The following UNKL variants were observed in gnomAD, a reference collection of about 807,000 sequenced individuals.
The protein encoded by UNKL is putative E3 ubiquitin-protein ligase UNKL.
Under a neutral mutation model 78.0 loss-of-function variants are expected in UNKL, and 60 were observed. That is an observed-to-expected ratio of 0.77 (90% confidence interval 0.63 to 0.95). The LOEUF (loss-of-function observed/expected upper bound fraction) is 0.95, where lower values mean the gene tolerates loss of function less well. Among genes scored for constraint, UNKL ranks in the 40% least tolerant of loss-of-function variants. The pLI is 0.00. For synonymous variants in UNKL, 608 were observed against 474.8 expected, an observed-to-expected ratio of 1.28 and a Z score of -3.65; for missense variants, 1,159 against 1,045.7, an observed-to-expected ratio of 1.11 and a Z score of -1.49.
At position 1,369,322 on chromosome 16, in the gene UNKL, C is replaced by T. The variant is rs528793979; in HGVS notation, c.1585+808G>A. Among the ~76,000 whole-genome samples, 474 of 151,686 alleles carry T rather than the reference C, an allele frequency of 3.1e-3. 7 individuals are homozygous for T. The highest frequency in any genetic ancestry group is 1.4e-3 in the Non-Finnish European group (94 of 67,906). On this transcript the variant is annotated intron_variant, in intron 12 of 14. Coordinates refer to ENST00000389221, the MANE Select transcript of UNKL (RefSeq NM_001372107.1). ...TGACGTCGTGATCCGCCCACCTCGG[C>T]GCCCCAAGTGCTGGGATGACAGGCG...
At chr16:1,377,958 C>T (rs1256464311) in intron 10 of UNKL, among the ~76,000 whole-genome samples, 1 of 152,202 alleles carries the variant, frequency 6.6e-6, no homozygotes, top group Non-Finnish European at 1.5e-5. Flanking sequence ...CTCATTGCAT[C>T]CTGAATCCTG....
At chr16:1,407,204 G>C (rs2037805979) in intron 2 of UNKL, 1 of 150,956 alleles carries the variant, frequency 6.6e-6, no homozygotes, top group Admixed American at 6.6e-5. Flanking sequence ...CCAGATACAA[G>C]CAGCAACAGT....
At chr16:1,396,543 T>C (rs988591919) in intron 6 of UNKL, among the ~76,000 whole-genome samples, 10 of 152,008 alleles carry the variant, frequency 6.6e-5, no homozygotes, top group East Asian at 1.9e-4. Context: ...CCCAAAGTGC[T>C]GAGATTACAG....
rs1567247114 is a variant in UNKL at position 1,414,699 on chromosome 16, C to A, written c.-8G>T. 8.9e-7 allele frequency: 1 copy of A among 1,125,370 alleles called. No individual in the cohort carries two copies. 69.7% of individuals were successfully genotyped at this position (1,125,370 alleles called of 1,614,324 possible). A position where few individuals can be genotyped will look rare whatever the true frequency, so the allele number is the denominator to read the frequency against. ...TTTCGAAACCGACGGCATTTTCAGT[C>A]AAAACAATGCAGCGCGCATGCGCCG... On this transcript the variant is annotated 5_prime_UTR_variant, in exon 1 of 15. Transcript: ENST00000389221.
At chr16:1,402,450 C>CAGG (rs2142213581) in intron 3 of UNKL, among the ~76,000 whole-genome samples, 1 of 152,172 alleles carries the variant, frequency 6.6e-6, no homozygotes, top group South Asian at 2.1e-4. Flanking sequence ...ATCATGAGGT[C>CAGG]AGGAGATGGA....
chr16:1,391,826 T>C (rs2037063374), intron 8 of UNKL, among the ~76,000 whole-genome samples: 2 of 152,168 alleles, frequency 1.3e-5, no homozygotes, highest in South Asian at 2.1e-4. Context: ...TAGCTGGGAT[T>C]ACAGGCGCAC....
intron 14 of UNKL, among the ~76,000 whole-genome samples, chr16:1,366,633 C>T (rs1037671730): frequency 2.0e-5 from 3 of 152,198 alleles, no homozygotes; most frequent in Admixed American, 2.0e-4. Context: ...GGGGCCACCA[C>T]AGACACGGCA....
chr16:1,375,633 G>A (rs1172249457), intron 10 of UNKL, among the ~76,000 whole-genome samples: 1 of 152,208 alleles, frequency 6.6e-6, no homozygotes, highest in South Asian at 2.1e-4. Context: ...GACTTTCGAA[G>A]GTCTTATCCA....
At chr16:1,405,800 C>T in intron 2 of UNKL, 1 of 366,532 alleles carries the variant, frequency 2.7e-6, no homozygotes. Context: ...CACATGGGCA[C>T]CGCTCTGCCT....
At chr16:1,389,274 G>A (rs1314375598) in intron 9 of UNKL, among the ~76,000 whole-genome samples, 2 of 152,208 alleles carry the variant, frequency 1.3e-5, no homozygotes, top group African/African-American at 2.4e-5. Context: ...TAGGGCCTGT[G>A]AGGAGTAATT....
At chr16:1,371,160 G>A (rs542843726) in intron 11 of UNKL, among the ~76,000 whole-genome samples, 2 of 152,156 alleles carry the variant, frequency 1.3e-5, no homozygotes, top group Admixed American at 6.5e-5. Context: ...TTTATCCTTC[G>A]GGGACCATCA....
chr16:1,407,965 G>T (rs2037844174), intron 2 of UNKL, among the ~76,000 whole-genome samples: 1 of 151,930 alleles, frequency 6.6e-6, no homozygotes, highest in South Asian at 2.1e-4. Context: ...CAGGACTCTG[G>T]GAAGCCTAGG....
chr16:1,401,788 C>G, intron 3 of UNKL, 87 bp from the exon 4 acceptor site: 1 of 1,496,490 alleles, frequency 6.7e-7, no homozygotes, highest in Non-Finnish European at 8.9e-7. Context: ...GCTCCCCTCC[C>G]ACCACTGCAC....
intron 11 of UNKL, 108 bp from the exon 12 acceptor site, chr16:1,370,465 G>A: frequency 6.9e-7 from 1 of 1,456,610 alleles, no homozygotes; most frequent in Non-Finnish European, 9.1e-7. Context: ...GTGGTGGTGG[G>A]GATATGGGGG....
At chr16:1,371,794 T>C (rs957054556) in intron 10 of UNKL, among the ~76,000 whole-genome samples, 183 bp from the exon 11 acceptor site, 15 of 152,096 alleles carry the variant, frequency 9.9e-5, no homozygotes, top group Non-Finnish European at 5.9e-5. Context: ...CCACAGGCAG[T>C]GTGAGGCTTG....
At chr16:1,392,579 C>T (rs1271037379) in intron 8 of UNKL, among the ~76,000 whole-genome samples, 2 of 152,166 alleles carry the variant, frequency 1.3e-5, no homozygotes, top group Admixed American at 6.5e-5. Flanking sequence ...GGATTACAGG[C>T]ACCCACCACC....
chr16:1,367,858 C>G lies in UNKL; in HGVS notation c.1586G>C (p.Gly529Ala). The change falls in exon 13 of 15, where the codon GGT becomes GCT. Residue 529 changes from glycine to alanine, a missense_variant and splice_region_variant. Gly to Ala is a moderately conservative substitution (Grantham distance 60). Coordinates refer to ENST00000389221, the MANE Select transcript of UNKL (RefSeq NM_001372107.1). ...GSAASSYSPL[G>A]LNGVPGSIWD... ...GATGCTCCCGGGGACACCGTTCAAACCTGAGTGTGAAACGGTCGATGACGG... is the reference window on the plus strand; with the variant it reads ...GATGCTCCCGGGGACACCGTTCAAAGCTGAGTGTGAAACGGTCGATGACGG... The G allele has an allele frequency of 1.3e-6, 2 of 1,562,208 alleles. No homozygotes were observed. The highest frequency in any genetic ancestry group is 1.7e-6 in the Non-Finnish European group (2 of 1,154,004).
chr16:1,376,568 C>T (rs565119950), intron 10 of UNKL, among the ~76,000 whole-genome samples: 1 of 152,106 alleles, frequency 6.6e-6, no homozygotes, highest in Non-Finnish European at 1.5e-5. Flanking sequence ...CCACCTCTTC[C>T]GAGTGTCTGT....
At chr16:1,395,465 C>G (rs2037220798) in intron 6 of UNKL, among the ~76,000 whole-genome samples, 1 of 152,212 alleles carries the variant, frequency 6.6e-6, no homozygotes, top group Non-Finnish European at 1.5e-5. Flanking sequence ...TGTGCCTGGC[C>G]TGTTTGTTTT....
Sources: gnomAD v4.1 joint callset for allele counts (sites outside exome capture counted in the v4.1 genomes callset) on GRCh38, gnomAD v4.1.1 for gene constraint, MANE v1.5 for transcripts, NCBI Gene and HGNC (gene_info 2026-07-23, HGNC 2026-07-21) for gene names.